The following ERGIC1 variants were observed in gnomAD, a reference collection of about 807,000 sequenced individuals.
ERGIC1 encodes endoplasmic reticulum-golgi intermediate compartment 1.
In ERGIC1, 19 loss-of-function variants were observed where a neutral mutation model predicts 38.3. The ratio of observed to expected loss-of-function variants is 0.50; its 90% CI spans 0.35 to 0.73. ERGIC1 has a LOEUF of 0.73. Ranked by LOEUF, ERGIC1 falls within the 30% of genes least tolerant of loss-of-function variation. The probability of loss-of-function intolerance (pLI) is 0.01; values close to 1 mark genes in which losing one functional copy is unlikely to be tolerated. For missense variants in ERGIC1, 294 were observed against 389.2 expected, an observed-to-expected ratio of 0.76 and a Z score of 2.06; for synonymous variants, 124 against 157.6, an observed-to-expected ratio of 0.79 and a Z score of 1.60.
At chr5:172,840,660 C>T (rs184174086) in intron 1 of ERGIC1, among the ~76,000 whole-genome samples, 1 of 152,166 alleles carries the variant, frequency 6.6e-6, no homozygotes, top group Non-Finnish European at 1.5e-5. Flanking sequence ...GCATGACCTT[C>T]GGCAACTCTG....
At chr5:172,950,193 C>T (rs1269562787) in intron 9 of ERGIC1, among the ~76,000 whole-genome samples, 1 of 152,240 alleles carries the variant, frequency 6.6e-6, no homozygotes, top group Non-Finnish European at 1.5e-5. Context: ...TACTACCCAT[C>T]AAGTCCCAGG....
chr5:172,932,399 C>T (rs761366706), intron 7 of ERGIC1, 37 bp from the exon 8 acceptor site: 16 of 1,602,586 alleles, frequency 1.0e-5, no homozygotes, highest in Admixed American at 3.4e-5. Context: ...GGGCAGTGCC[C>T]GTCCCCCTGC....
At chr5:172,894,479 C>CCACCG (rs986526923) in intron 2 of ERGIC1, among the ~76,000 whole-genome samples, 2 of 152,062 alleles carry the variant, frequency 1.3e-5, no homozygotes, top group African/African-American at 4.8e-5. Context: ...CAGGCATGAG[C>CCACCG]CACCGCGCCT....
chr5:172,879,734 T>C (rs900401233), intron 1 of ERGIC1, among the ~76,000 whole-genome samples: 1 of 152,204 alleles, frequency 6.6e-6, no homozygotes, highest in African/African-American at 2.4e-5. Context: ...AGAGAGAGCA[T>C]GGGATCAATG....
chr5:172,941,764 A>AC (rs1764016663), intron 9 of ERGIC1, among the ~76,000 whole-genome samples: 1 of 152,230 alleles, frequency 6.6e-6, no homozygotes, highest in Non-Finnish European at 1.5e-5. Flanking sequence ...AAAAAAGCCG[A>AC]CGTCCATCTA....
intron 1 of ERGIC1, among the ~76,000 whole-genome samples, chr5:172,870,119 C>T (rs1027802317): frequency 3.9e-5 from 6 of 152,184 alleles, no homozygotes; most frequent in African/African-American, 7.2e-5. Context: ...AAATACTTCA[C>T]GTTCAAGATT....
intron 1 of ERGIC1, among the ~76,000 whole-genome samples, chr5:172,849,422 C>G (rs985215823): frequency 2.6e-5 from 4 of 152,136 alleles, no homozygotes; most frequent in Non-Finnish European, 4.4e-5. Context: ...AATAAGGGTT[C>G]CCCCATTATG....
Position 172,846,309 on chromosome 5 carries a change from C to T in ERGIC1, c.20+11876C>T, listed in dbSNP as rs1347331273. 6.6e-6 allele frequency among the ~76,000 whole-genome samples: 1 copy of T among 152,224 alleles called. No individual in the cohort carries two copies. The highest frequency in any genetic ancestry group is 2.4e-5 in the African/African-American group (1 of 41,452). On this transcript the variant is annotated intron_variant, in intron 1 of 9. Coordinates refer to ENST00000393784, the MANE Select transcript of ERGIC1 (RefSeq NM_001031711.3). The surrounding 1 kb of genome is among the most constrained non-coding windows in gnomAD (Gnocchi z 4.0). ...GATGCTACGTGACTTAACAGCGCCT[C>T]TTTCTGCGCTGTCTGTGCAGGACGC...
intron 3 of ERGIC1, 35 bp from the exon 4 acceptor site, chr5:172,909,632 C>T: frequency 6.3e-7 from 1 of 1,597,004 alleles, no homozygotes; most frequent in Non-Finnish European, 8.6e-7. Context: ...TTGCCGCCAT[C>T]TCAACAAAGG....
At chr5:172,934,070 A>G (rs1020811977) in intron 8 of ERGIC1, 1 of 152,188 alleles carries the variant, frequency 6.6e-6, no homozygotes, top group Admixed American at 6.5e-5. Context: ...CCTTTTCCCA[A>G]TGCTTTGGCA....
At chr5:172,890,789 C>T (rs115572075) in intron 2 of ERGIC1, among the ~76,000 whole-genome samples, 241 of 152,344 alleles carry the variant, frequency 1.6e-3, no homozygotes, top group African/African-American at 5.6e-3. Context: ...TGGTCCCAGC[C>T]CTGCTGCCTG....
At chr5:172,850,013 C>A (rs1478269881) in intron 1 of ERGIC1, among the ~76,000 whole-genome samples, 1 of 152,076 alleles carries the variant, frequency 6.6e-6, no homozygotes, top group Non-Finnish European at 1.5e-5. Context: ...ACCGAGGTGG[C>A]GTGATCTGAT....
intron 2 of ERGIC1, among the ~76,000 whole-genome samples, chr5:172,891,228 G>A (rs1447300875): frequency 2.0e-5 from 3 of 152,070 alleles, no homozygotes; most frequent in Admixed American, 6.5e-5. Flanking sequence ...CTTGACTCCC[G>A]AGGAAAGGAT....
intron 1 of ERGIC1, among the ~76,000 whole-genome samples, chr5:172,868,574 C>T (rs756504209): frequency 1.9e-4 from 29 of 152,106 alleles, no homozygotes; most frequent in Non-Finnish European, 3.2e-4. Context: ...AGGCGGAGCA[C>T]GGAGGATTTT....
chr5:172,863,389 G>A (rs893756423), intron 1 of ERGIC1, among the ~76,000 whole-genome samples: 2 of 152,206 alleles, frequency 1.3e-5, no homozygotes, highest in African/African-American at 4.8e-5. Context: ...GGTGATTTGT[G>A]TTATTTGCTG....
At chr5:172,885,811 G>A (rs368092283) in intron 1 of ERGIC1, among the ~76,000 whole-genome samples, 21 of 152,216 alleles carry the variant, frequency 1.4e-4, no homozygotes, top group East Asian at 1.2e-3. Context: ...TTCCAGCTCC[G>A]CAAGGCCTCT....
chr5:172,882,491 T>A (rs1762309042), intron 1 of ERGIC1, among the ~76,000 whole-genome samples: 1 of 152,104 alleles, frequency 6.6e-6, no homozygotes, highest in African/African-American at 2.4e-5. Context: ...GTACGGGCAG[T>A]GGAAGGACCA....
intron 1 of ERGIC1, among the ~76,000 whole-genome samples, chr5:172,855,034 A>G (rs773351659): frequency 6.6e-6 from 1 of 152,200 alleles, no homozygotes; most frequent in Non-Finnish European, 1.5e-5. Flanking sequence ...TTTAGCTACC[A>G]GGGTTCTGGG....
At chr5:172,888,198 G>A (rs1013804950) in intron 1 of ERGIC1, among the ~76,000 whole-genome samples, 10 of 152,196 alleles carry the variant, frequency 6.6e-5, no homozygotes, top group African/African-American at 2.4e-4. Context: ...GGTGGTTCAC[G>A]CCTGTAATCC....
Sources: gnomAD v4.1 joint callset for allele counts (sites outside exome capture counted in the v4.1 genomes callset) on GRCh38, gnomAD v4.1.1 for gene constraint, Gnocchi (gnomAD v3.1) non-coding constraint, MANE v1.5 for transcripts, NCBI Gene and HGNC (gene_info 2026-07-23, HGNC 2026-07-21) for gene names.